GRSF1: variants seen among roughly 807,000 people sequenced by gnomAD.
GRSF1 encodes G-rich sequence factor 1.
In GRSF1, 50 loss-of-function variants were observed where a neutral mutation model predicts 51.1. That is an observed-to-expected ratio of 0.98 (90% CI 0.78 to 1.24). GRSF1 has a LOEUF of 1.24. Among genes scored for constraint, GRSF1 ranks in the 50% most tolerant of loss-of-function variants. The pLI, the probability that GRSF1 is intolerant of heterozygous loss-of-function variation, is 0.00. For missense variants in GRSF1, 700 were observed against 639.7 expected, an observed-to-expected ratio of 1.09 and a Z score of -1.02; for synonymous variants, 293 against 253.3, an observed-to-expected ratio of 1.16 and a Z score of -1.49.
intron 5 of GRSF1, among the ~76,000 whole-genome samples, chr4:70,830,296 A>T (rs1275922784): frequency 5.3e-5 from 8 of 152,000 alleles, no homozygotes. Flanking sequence ...ACACATACAC[A>T]CAGCCAGGTG....
intron 5 of GRSF1, 35 bp downstream of exon 5, chr4:70,831,504 A>G (rs1474219765): frequency 3.8e-6 from 6 of 1,584,024 alleles, no homozygotes; most frequent in Non-Finnish European, 5.2e-6. Flanking sequence ...CTTAATGTGT[A>G]ACACTTCTGC....
intron 2 of GRSF1, among the ~76,000 whole-genome samples, chr4:70,834,208 G>A (rs1384403101): frequency 2.0e-5 from 3 of 152,014 alleles, no homozygotes; most frequent in African/African-American, 4.8e-5. Flanking sequence ...GCAATGAGCC[G>A]AGATTGCGCT....
chr4:70,825,374 C>G lies in GRSF1; in HGVS notation c.1315G>C (p.Ala439Pro). The change falls in exon 8 of 10, where the codon GCC becomes CCC. Residue 439 changes from alanine (A) to proline (P), a missense_variant. Transcript: ENST00000254799. ...ITMEYSSSGK[A>P]TGEADVHFET... ...AAGTGCACATCAGCTTCTCCAGTGG[C>G]CTTCCCACTGGAGCTGTATTCCATG... The G allele has an allele frequency of 6.2e-7, 1 of 1,607,896 alleles. No homozygotes were observed.
At chr4:70,840,123 CG>C (rs1734414289), upstream of GRSF1, among the ~76,000 whole-genome samples, 1 of 45,002 alleles carries the variant, frequency 2.2e-5, no homozygotes, top group East Asian at 6.5e-4. Context: ...ATGGTTTGGG[CG>C]GGGCTGCCCA....
intron 1 of GRSF1, chr4:70,839,015 G>A (rs1039691664): frequency 4.9e-6 from 3 of 614,270 alleles, no homozygotes; most frequent in South Asian, 3.5e-5. Flanking sequence ...CACCTTCCCA[G>A]CAGCGGCCGA....
chr4:70,831,355 C>CAA (rs113560902), intron 5 of GRSF1, among the ~76,000 whole-genome samples, 184 bp downstream of exon 5: 6 of 115,178 alleles, frequency 5.2e-5, no homozygotes, highest in Admixed American at 9.0e-5. Context: ...AACTCTGTCT[C>CAA]AAAAAAAAAA....
At chr4:70,838,128 A>C (rs1456531505) in intron 1 of GRSF1, among the ~76,000 whole-genome samples, 10 of 148,928 alleles carry the variant, frequency 6.7e-5, no homozygotes, top group Non-Finnish European at 1.5e-4. Flanking sequence ...CTGAAGCAGG[A>C]GAATGGCGTG....
rs1030300652 is a variant in GRSF1, at chr4:70,819,026, A to G, written c.*1861T>C. 5.9e-5 allele frequency: 9 copies of G among 152,234 alleles called. No homozygotes were observed. Among genetic ancestry groups the G allele is most frequent in the Non-Finnish European group, 8.8e-5 (6 of 68,040 alleles). 9.4% of individuals were successfully genotyped at this position (152,234 alleles called of 1,614,324 possible). Reference sequence around the variant, plus strand: ...AACAAAAACAAAAGGGAGCATTCAAATACATAAAATGATTTCCCAATAATG... The same window carrying G: ...AACAAAAACAAAAGGGAGCATTCAAGTACATAAAATGATTTCCCAATAATG... On this transcript the variant is annotated 3_prime_UTR_variant, in exon 10 of 10. Coordinates refer to ENST00000254799, the MANE Select transcript of GRSF1 (RefSeq NM_002092.4).
At chr4:70,826,810 T>A (rs1452731882) in intron 6 of GRSF1, among the ~76,000 whole-genome samples, 1 of 152,176 alleles carries the variant, frequency 6.6e-6, no homozygotes, top group Non-Finnish European at 1.5e-5. Context: ...ATTGTGCCAC[T>A]GCACTCCAGA....
rs112091949 is a variant in GRSF1, at chr4:70,826,068, C to A, written c.1257+56G>T. 2,156 of 1,476,672 alleles carry A rather than the reference C, an allele frequency of 1.5e-3. 33 individuals carry two copies. In the African/African-American group the frequency reaches 0.027, roughly 18 times the overall value. 91.5% of individuals were successfully genotyped at this position (1,476,672 alleles called of 1,614,324 possible). Reference sequence around the variant, plus strand: ...TACCTTCCCCAAATTAATACAAGTTCAATTTTAGAACTTTTGTTCAAATCT... The same window carrying A: ...TACCTTCCCCAAATTAATACAAGTTAAATTTTAGAACTTTTGTTCAAATCT... On this transcript the variant is annotated intron_variant, in intron 7 of 9. Transcript: ENST00000254799.
chr4:70,835,684 G>A (rs972419751), intron 2 of GRSF1, among the ~76,000 whole-genome samples: 2 of 151,942 alleles, frequency 1.3e-5, no homozygotes. Flanking sequence ...CTTGTGATCC[G>A]CCCGCCTCGG....
At position 70,824,368 on chromosome 4, in the gene GRSF1, T is replaced by C; in HGVS notation, c.1394A>G (p.His465Arg). 1 of 1,428,224 alleles carries C rather than the reference T, an allele frequency of 7.0e-7. No homozygotes were observed. The highest frequency in any genetic ancestry group is 9.8e-7 in the Non-Finnish European group (1 of 1,024,018). 88.5% of individuals were successfully genotyped at this position (1,428,224 alleles called of 1,614,324 possible). The change falls in exon 9 of 10, where the codon CAT becomes CGT. Residue 465 changes from histidine to arginine, a missense_variant and splice_region_variant. Coordinates refer to ENST00000254799, the MANE Select transcript of GRSF1 (RefSeq NM_002092.4). ...AAMLKDRSHV[H>R]HRYIELFLNS... ...CAGGAACAGTTCAATATACCTATGA[T>C]CTGAGGATAATGAGAAAGATTAGTT...
At chr4:70,825,043 G>A (rs905041036) in intron 8 of GRSF1, among the ~76,000 whole-genome samples, 7 of 151,990 alleles carry the variant, frequency 4.6e-5, no homozygotes, top group East Asian at 1.9e-4. Context: ...CTGAGACTGC[G>A]GTGAGCCGAG....
At chr4:70,838,696 C>T (rs900494111) in intron 1 of GRSF1, among the ~76,000 whole-genome samples, 3 of 152,100 alleles carry the variant, frequency 2.0e-5, no homozygotes, top group African/African-American at 7.2e-5. Flanking sequence ...AACTACACAC[C>T]GACTTTTCTA....
In GRSF1 at chr4:70,831,438, AC is replaced by A. The variant is rs1406690523; in HGVS notation, c.950+100del. On this transcript the variant is annotated intron_variant, in intron 5 of 9. Transcript: ENST00000254799. ...GATGGCTCACTACACTACTCTCTCT[AC>A]TTTTCTATGTTTGGATAACTTTTCA... 8.0e-5 allele frequency: 86 copies of A among 1,069,096 alleles called. No individual in the cohort carries two copies. The East Asian group carries it at 2.0e-3, about 25-fold the overall frequency. The allele number at this position is 1,069,096 out of a possible 1,614,324, so 66.2% of individuals were successfully genotyped here.
At chr4:70,841,853 G>A (rs772264794), upstream of GRSF1, among the ~76,000 whole-genome samples, 2 of 152,198 alleles carry the variant, frequency 1.3e-5, no homozygotes, top group Non-Finnish European at 2.9e-5. Context: ...ACAGTCCGAC[G>A]GAGAGTATTG....
intron 1 of GRSF1, among the ~76,000 whole-genome samples, chr4:70,837,451 C>T (rs1343499931): frequency 6.7e-6 from 1 of 149,950 alleles, no homozygotes; most frequent in Non-Finnish European, 1.5e-5. Flanking sequence ...GTAATCCCAG[C>T]TACTCGGGAG....
intron 9 of GRSF1, among the ~76,000 whole-genome samples, chr4:70,821,513 G>A (rs1222727899): frequency 6.6e-6 from 1 of 151,748 alleles, no homozygotes; most frequent in Non-Finnish European, 1.5e-5. Context: ...GACTGAGGCA[G>A]GAGAATCGCT....
chr4:70,822,969 C>A (rs1032048381), intron 9 of GRSF1, among the ~76,000 whole-genome samples: 8 of 151,978 alleles, frequency 5.3e-5, no homozygotes, highest in Non-Finnish European at 1.0e-4. Context: ...TTGTGGCGGG[C>A]ACCTGCAGTC....
Sources: allele counts gnomAD v4.1 joint callset (sites outside exome capture counted in the v4.1 genomes callset), GRCh38; gene constraint gnomAD v4.1.1; transcripts MANE v1.5; gene names NCBI Gene and HGNC (gene_info 2026-07-23, HGNC 2026-07-21).